The following SLC10A7 variants were observed in gnomAD, a reference collection of about 807,000 sequenced individuals.
The protein encoded by SLC10A7 is solute carrier family 10 member 7.
SLC10A7 carries 29 observed loss-of-function variants against 43.2 expected under a neutral mutation model. The ratio of observed to expected loss-of-function variants is 0.67; its 90% CI spans 0.50 to 0.92. SLC10A7 has a LOEUF of 0.92. Among genes scored for constraint, SLC10A7 ranks in the 40% least tolerant of loss-of-function variants. SLC10A7 has a pLI of 0.00. For missense variants in SLC10A7, 295 were observed against 403.2 expected (o/e 0.73, Z 2.30); for synonymous variants, 152 against 144.8 (o/e 1.05, Z -0.35).
At chr4:146,507,140 CAT>C (rs1736991004) in intron 3 of SLC10A7, among the ~76,000 whole-genome samples, 1 of 152,178 alleles carries the variant, frequency 6.6e-6, no homozygotes, top group East Asian at 1.9e-4. Flanking sequence ...AGAAAGAATT[CAT>C]ATGTTTTCTG....
At chr4:146,261,651 T>C (rs2110992568) in intron 10 of SLC10A7, among the ~76,000 whole-genome samples, 1 of 152,314 alleles carries the variant, frequency 6.6e-6, no homozygotes, top group African/African-American at 2.4e-5. Context: ...CGGCCAAAAT[T>C]TGTCAAATTA....
chr4:146,434,050 CA>C (rs547190543), intron 5 of SLC10A7, among the ~76,000 whole-genome samples: 2 of 151,234 alleles, frequency 1.3e-5, no homozygotes, highest in Non-Finnish European at 2.9e-5. Context: ...ATACTGTATC[CA>C]AAAAAATTAT....
chr4:146,396,370 T>G (rs924539123), intron 5 of SLC10A7, among the ~76,000 whole-genome samples: 4 of 152,172 alleles, frequency 2.6e-5, no homozygotes, highest in African/African-American at 9.6e-5. Context: ...GTGATGGATA[T>G]TTTACCAAAA....
At chr4:146,325,630 T>G (rs1208015993) in intron 6 of SLC10A7, among the ~76,000 whole-genome samples, 1 of 152,138 alleles carries the variant, frequency 6.6e-6, no homozygotes, top group African/African-American at 2.4e-5. Context: ...TATCAAACAC[T>G]GGGTCACTAT....
At chr4:146,333,895 T>C (rs1297401977) in intron 5 of SLC10A7, among the ~76,000 whole-genome samples, 2 of 152,056 alleles carry the variant, frequency 1.3e-5, no homozygotes, top group Non-Finnish European at 2.9e-5. Flanking sequence ...CAGGAGGCTA[T>C]TCAGGACTCC....
intron 4 of SLC10A7, among the ~76,000 whole-genome samples, chr4:146,488,508 T>C (rs1406555113): frequency 6.6e-6 from 1 of 152,184 alleles, no homozygotes; most frequent in Non-Finnish European, 1.5e-5. Context: ...GGAAAAAAAA[T>C]GACTAAAAGT....
At chr4:146,355,233 T>G (rs1469291027) in intron 5 of SLC10A7, among the ~76,000 whole-genome samples, 2 of 151,952 alleles carry the variant, frequency 1.3e-5, no homozygotes, top group Admixed American at 6.5e-5. Flanking sequence ...GCAAAGGACA[T>G]GAACAGACAC....
rs530737987 is a variant in SLC10A7 at position 146,512,606 on chromosome 4, G to T, written c.184-2557C>A. 3.3e-5 allele frequency among the ~76,000 whole-genome samples: 5 copies of T among 152,256 alleles called. No individual in the cohort carries two copies. The South Asian group carries it at 1.0e-3, about 32-fold the overall frequency. ...TCTCTCCCCTACTTTATCAATAGGT[G>T]TATAAATTGGCATAACCTATAGAGA... On this transcript the variant is annotated intron_variant, in intron 2 of 11. Transcript: ENST00000335472.
chr4:146,441,971 T>C (rs1730636234), intron 5 of SLC10A7: 2 of 981,876 alleles, frequency 2.0e-6, no homozygotes, highest in South Asian at 9.4e-5. Context: ...CATCACTGAT[T>C]TTACTCTCAA....
At chr4:146,491,984 G>A (rs946828208) in intron 4 of SLC10A7, among the ~76,000 whole-genome samples, 30 of 152,150 alleles carry the variant, frequency 2.0e-4, no homozygotes, top group Admixed American at 2.0e-4. Context: ...TTGGGAGGCT[G>A]AGGCGGGCGG....
chr4:146,357,686 G>A (rs951433894), intron 5 of SLC10A7, among the ~76,000 whole-genome samples: 1 of 152,088 alleles, frequency 6.6e-6, no homozygotes, highest in African/African-American at 2.4e-5. Flanking sequence ...CCCTCTCCAC[G>A]GTTGTTTCTA....
At chr4:146,389,403 C>T (rs145899525) in intron 5 of SLC10A7, among the ~76,000 whole-genome samples, 14 of 152,104 alleles carry the variant, frequency 9.2e-5, no homozygotes, top group African/African-American at 2.7e-4. Flanking sequence ...CAGTTGTCTG[C>T]AACCTGGAAG....
chr4:146,510,551 G>A (rs536963993), intron 2 of SLC10A7, among the ~76,000 whole-genome samples: 2 of 151,986 alleles, frequency 1.3e-5, no homozygotes, highest in East Asian at 1.9e-4. Context: ...GAGCCACCAC[G>A]CCTGGCCTAA....
chr4:146,324,800 A>G (rs1732990813), intron 6 of SLC10A7, among the ~76,000 whole-genome samples: 1 of 152,190 alleles, frequency 6.6e-6, no homozygotes, highest in South Asian at 2.1e-4. Flanking sequence ...TTTCAATTTA[A>G]CTAACTGAAA....
chr4:146,366,783 T>C (rs1736421427), intron 5 of SLC10A7, among the ~76,000 whole-genome samples: 1 of 152,238 alleles, frequency 6.6e-6, no homozygotes. Flanking sequence ...AAAAAGTATT[T>C]ATTTTCCCTT....
chr4:146,290,357 ATT>A (rs1485368369), intron 9 of SLC10A7, among the ~76,000 whole-genome samples: 1 of 149,462 alleles, frequency 6.7e-6, no homozygotes, highest in Non-Finnish European at 1.5e-5. Flanking sequence ...AGGTACAGAT[ATT>A]CTCCAGGCAA....
intron 5 of SLC10A7, among the ~76,000 whole-genome samples, chr4:146,358,733 T>G (rs888111122): frequency 6.6e-5 from 10 of 152,198 alleles, no homozygotes; most frequent in Non-Finnish European, 1.3e-4. Context: ...TTTGTTGTAA[T>G]GTATGAATAT....
intron 5 of SLC10A7, among the ~76,000 whole-genome samples, chr4:146,429,915 A>T (rs1188754921): frequency 1.3e-5 from 2 of 152,180 alleles, no homozygotes; most frequent in African/African-American, 4.8e-5. Flanking sequence ...AACGTGACAT[A>T]CATAAAAATT....
chr4:146,282,192 A>G (rs1352900313), intron 10 of SLC10A7, among the ~76,000 whole-genome samples: 1 of 152,204 alleles, frequency 6.6e-6, no homozygotes, highest in Non-Finnish European at 1.5e-5. Flanking sequence ...GACTATATAT[A>G]TATAATTCAA....
Sources: allele counts gnomAD v4.1 joint callset (sites outside exome capture counted in the v4.1 genomes callset), GRCh38; gene constraint gnomAD v4.1.1; transcripts MANE v1.5; gene names NCBI Gene and HGNC (gene_info 2026-07-23, HGNC 2026-07-21).